FSD2: variants seen among roughly 807,000 people sequenced by gnomAD.
FSD2 encodes the protein fibronectin type III and SPRY domain-containing protein 2.
A neutral mutation model predicts 80.4 loss-of-function variants in FSD2; 71 were observed. The ratio of observed to expected loss-of-function variants is 0.88; its 90% CI spans 0.73 to 1.08. The LOEUF is 1.08. Ranked by LOEUF, FSD2 falls within the 50% of genes least tolerant of loss-of-function variation. The probability of loss-of-function intolerance (pLI) is 0.00; values close to 1 mark genes in which losing one functional copy is unlikely to be tolerated. For missense variants in FSD2, 923 were observed against 913.8 expected (o/e 1.01, Z -0.13); for synonymous variants, 361 against 329.5 (o/e 1.10, Z -1.03).
chr15:82,784,177 G>T (rs943121652), intron 3 of FSD2, among the ~76,000 whole-genome samples: 1 of 152,182 alleles, frequency 6.6e-6, no homozygotes, highest in African/African-American at 2.4e-5. Flanking sequence ...TGGCCACTGA[G>T]GATGAAGGGA....
At chr15:82,796,946 T>A (rs1369527091) in intron 1 of FSD2, among the ~76,000 whole-genome samples, 2 of 151,604 alleles carry the variant, frequency 1.3e-5, no homozygotes, top group African/African-American at 4.9e-5. Flanking sequence ...TTTCTCTTTA[T>A]TACAAAAGTA....
At position 82,756,077 on chromosome 15, in the gene FSD2, A is replaced by C. The variant is rs746470745; in HGVS notation, c.*3271T>G. 1 of 473,788 alleles carries C rather than the reference A, an allele frequency of 2.1e-6. No individual in the cohort carries two copies. The highest frequency in any genetic ancestry group is 4.3e-6 in the Non-Finnish European group (1 of 232,930). The allele number at this position is 473,788 out of a possible 1,614,324, so 29.3% of individuals were successfully genotyped here. ...CTACTTATCTACCAACAGCAATTAC[A>C]CGCTTTCCATTGTCTTCCTATAGAA... On this transcript the variant is annotated 3_prime_UTR_variant, in exon 13 of 13. Transcript: ENST00000334574.
chr15:82,768,902 G>T lies in FSD2; in HGVS notation c.1531C>A (p.Pro511Thr). 6.4e-7 allele frequency: 1 copy of T among 1,570,078 alleles called. No individual in the cohort carries two copies. Among genetic ancestry groups the T allele is most frequent in the Non-Finnish European group, 8.6e-7 (1 of 1,160,102 alleles). ...YTVELTQAESPEASGVTESVV... is the reference protein window; with the variant it reads ...YTVELTQAESTEASGVTESVV... Reference sequence around the variant, plus strand: ...CACTCAGTTACACCCGAGGCTTCTGGACTTTCAGCCTGGGTCAGCTCCACA... The same window carrying T: ...CACTCAGTTACACCCGAGGCTTCTGTACTTTCAGCCTGGGTCAGCTCCACA... Residue 511 changes from proline to threonine, a missense_variant, in exon 9 of 13, where the codon CCA becomes ACA. Pro to Thr is a conservative substitution (Grantham distance 38). Transcript: ENST00000334574.
Position 82,768,918 on chromosome 15 carries a change from C to T in FSD2, c.1515G>A (p.Leu505=). ...LNPVDSYTVE[L]TQAESPEASG... is the part of the protein sequence containing the mutation. ...AGGCTTCTGGACTTTCAGCCTGGGTCAGCTCCACAGTGTACGAGTCCACAG... is the reference window on the plus strand; with the variant it reads ...AGGCTTCTGGACTTTCAGCCTGGGTTAGCTCCACAGTGTACGAGTCCACAG... Residue 505 remains leucine, a synonymous_variant, in exon 9 of 13, where the codon CTG becomes CTA. Transcript: ENST00000334574. The T allele has an allele frequency of 1.9e-6, 3 of 1,587,374 alleles. No homozygotes were observed. Among genetic ancestry groups the T allele is most frequent in the South Asian group, 2.4e-5 (2 of 85,064 alleles).
In FSD2 at chr15:82,787,203, GCCTTACCATC is replaced by G. The variant is rs1159530768; in HGVS notation, c.178_187del (p.Asp60LeufsTer24). The G allele has an allele frequency of 6.2e-7, 1 of 1,613,878 alleles. No homozygotes were observed. Among genetic ancestry groups the G allele is most frequent in the Admixed American group, 1.7e-5 (1 of 59,992 alleles). On this transcript the variant is annotated frameshift_variant, in exon 2 of 13. Transcript: ENST00000334574. LOFTEE classifies it high-confidence loss of function. ...CACTTCCTCTTGAAGGTCTCTTTGA[GCCTTACCATC>G]CCCTGCTCCTCTTGACTCATTGGCC...
At chr15:82,790,638 C>G (rs567719481) in intron 1 of FSD2, among the ~76,000 whole-genome samples, 1 of 151,666 alleles carries the variant, frequency 6.6e-6, no homozygotes, top group South Asian at 2.1e-4. Context: ...TCCAGTGGCG[C>G]GATCTCGGCT....
intron 7 of FSD2, among the ~76,000 whole-genome samples, chr15:82,770,255 C>G (rs1451417776): frequency 6.6e-6 from 1 of 152,224 alleles, no homozygotes. Flanking sequence ...GGAGAGAGAC[C>G]CCAGCTGCCC....
At chr15:82,781,005 C>T (rs1381855231) in intron 4 of FSD2, among the ~76,000 whole-genome samples, 1 of 152,100 alleles carries the variant, frequency 6.6e-6, no homozygotes, top group Non-Finnish European at 1.5e-5. Flanking sequence ...CACTCTCCTC[C>T]AGCCCAAGCA....
chr15:82,790,321 TC>T, intron 1 of FSD2, among the ~76,000 whole-genome samples: 1 of 152,196 alleles, frequency 6.6e-6, no homozygotes, highest in Non-Finnish European at 1.5e-5. Context: ...GCCTGAATCT[TC>T]CCTGAACCTT....
intron 1 of FSD2, among the ~76,000 whole-genome samples, chr15:82,790,423 C>T (rs1349244228): frequency 6.6e-6 from 1 of 152,198 alleles, no homozygotes; most frequent in Non-Finnish European, 1.5e-5. Flanking sequence ...TTTTATTGCT[C>T]ACACAGGTAT....
rs1223496241 is a variant in FSD2, at chr15:82,769,841, G to T, written c.1311C>A (p.Asn437Lys). 2.5e-6 allele frequency: 4 copies of T among 1,613,892 alleles called. No homozygotes were observed. Among genetic ancestry groups the T allele is most frequent in the Non-Finnish European group, 3.4e-6 (4 of 1,179,870 alleles). Residue 437 changes from asparagine (N) to lysine (K), a missense_variant, in exon 8 of 13, where the codon AAC becomes AAA. Coordinates refer to ENST00000334574, the MANE Select transcript of FSD2 (RefSeq NM_001007122.4). The stretch of plus-strand genomic sequence containing the variant: ...ATTCATACTGGGTATTTGGCACAAG[G>T]TTTGTCACTGAGCAATATGTTTCTT... Reference protein sequence around the residue: ...TVKETYCSVTNLVPNTQYEFW... With the variant: ...TVKETYCSVTKLVPNTQYEFW...
intron 7 of FSD2, 46 bp from the exon 8 acceptor site, chr15:82,769,930 G>A: frequency 6.2e-7 from 1 of 1,608,164 alleles, no homozygotes; most frequent in Non-Finnish European, 8.5e-7. Context: ...AACTGGCCAA[G>A]TGGCTCCAAT....
At chr15:82,804,796 C>A (rs118084204) in intron 1 of FSD2, among the ~76,000 whole-genome samples, 1 of 152,134 alleles carries the variant, frequency 6.6e-6, no homozygotes, top group Non-Finnish European at 1.5e-5. Context: ...CCTTCGAACA[C>A]ACAACACAAA....
At chr15:82,759,939 G>A (rs1236198331) in intron 12 of FSD2, among the ~76,000 whole-genome samples, 2 of 151,108 alleles carry the variant, frequency 1.3e-5, no homozygotes, top group South Asian at 2.2e-4. Flanking sequence ...GATTACAGGC[G>A]TGCACCACCA....
chr15:82,796,603 G>A (rs1336602899), intron 1 of FSD2, among the ~76,000 whole-genome samples: 1 of 152,184 alleles, frequency 6.6e-6, no homozygotes, highest in Non-Finnish European at 1.5e-5. Flanking sequence ...AAGCTGTCAA[G>A]TTTTGAAATA....
chr15:82,794,066 T>G (rs2151533003), intron 1 of FSD2, among the ~76,000 whole-genome samples: 1 of 152,160 alleles, frequency 6.6e-6, no homozygotes, highest in Middle Eastern at 3.4e-3. Context: ...CTTTTTCCAG[T>G]TTTTTAATGT....
chr15:82,801,742 A>T (rs1248878450), intron 1 of FSD2, among the ~76,000 whole-genome samples: 1 of 152,116 alleles, frequency 6.6e-6, no homozygotes, highest in African/African-American at 2.4e-5. Context: ...CCACTCTCCA[A>T]TGCTCCAAAA....
At chr15:82,778,980 G>T in intron 5 of FSD2, 93 bp from the exon 6 acceptor site, 1 of 1,423,264 alleles carries the variant, frequency 7.0e-7, no homozygotes, top group South Asian at 1.3e-5. Flanking sequence ...AATGAAGAGG[G>T]GCTCTTTGCT....
At chr15:82,787,715 T>A (rs1193797979) in intron 1 of FSD2, among the ~76,000 whole-genome samples, 1 of 146,790 alleles carries the variant, frequency 6.8e-6, no homozygotes, top group African/African-American at 2.5e-5. Flanking sequence ...ACTTCCCTCA[T>A]ACATTAAAAA....
Sources: gnomAD v4.1 joint callset for allele counts (sites outside exome capture counted in the v4.1 genomes callset) on GRCh38, gnomAD v4.1.1 for gene constraint, MANE v1.5 for transcripts, NCBI Gene and HGNC (gene_info 2026-07-23, HGNC 2026-07-21) for gene names.